Variants in VPS50 observed in about 807,000 individuals in gnomAD.
The protein encoded by VPS50 is VPS50 subunit of EARP/GARPII complex.
VPS50 carries 70 observed loss-of-function variants against 139.7 expected under a neutral mutation model. The observed-to-expected ratio is 0.50, with a 90% CI of 0.41 to 0.61. VPS50 has a LOEUF of 0.61. VPS50 is among the 20% of genes least tolerant of loss of function. The pLI is 0.00. For synonymous variants in VPS50, 365 were observed against 376.7 expected, an observed-to-expected ratio of 0.97 and a Z score of 0.36; for missense variants, 921 against 1,133.7, an observed-to-expected ratio of 0.81 and a Z score of 2.69.
chr7:93,317,807 C>A (rs1797472509), intron 20 of VPS50, among the ~76,000 whole-genome samples: 2 of 152,160 alleles, frequency 1.3e-5, no homozygotes, highest in South Asian at 2.1e-4. Flanking sequence ...ATAGTAGCTT[C>A]TTTTGTTTTT....
chr7:93,264,031 ATT>A (rs1795766734), intron 9 of VPS50, among the ~76,000 whole-genome samples: 1 of 152,242 alleles, frequency 6.6e-6, no homozygotes, highest in Non-Finnish European at 1.5e-5. Flanking sequence ...GTACTGTGCC[ATT>A]TTATATAAAG....
At chr7:93,305,780 G>T in intron 17 of VPS50, 48 bp from the exon 18 acceptor site, 3 of 1,432,844 alleles carry the variant, frequency 2.1e-6, no homozygotes, top group South Asian at 1.2e-5. Flanking sequence ...TTATGTACTA[G>T]AATTTTATTG....
At chr7:93,292,881 C>T (rs1796690577) in intron 13 of VPS50, among the ~76,000 whole-genome samples, 1 of 152,106 alleles carries the variant, frequency 6.6e-6, no homozygotes, top group Admixed American at 6.6e-5. Flanking sequence ...GTTGGGCACA[C>T]AGCCAGGATT....
chr7:93,291,733 C>A lies in VPS50; in HGVS notation c.973C>A (p.Leu325Ile). The A allele has an allele frequency of 6.4e-7, 1 of 1,574,614 alleles. No homozygotes were observed. The highest frequency in any genetic ancestry group is 8.6e-7 in the Non-Finnish European group (1 of 1,157,430). The change falls in exon 13 of 28, where the codon CTT becomes ATT. Residue 325 changes from leucine (L) to isoleucine (I), a missense_variant. Coordinates refer to ENST00000305866, the MANE Select transcript of VPS50 (RefSeq NM_017667.4). Reference protein sequence around the residue: ...HVTPDSYIPCLADLCKALWEV... With the variant: ...HVTPDSYIPCIADLCKALWEV... ...TACACCAGACAGCTATATTCCATGC[C>A]TTGCAGACCTGTGCAAAGCACTATG...
At chr7:93,281,134 C>A (rs1204975103) in intron 12 of VPS50, among the ~76,000 whole-genome samples, 1 of 152,146 alleles carries the variant, frequency 6.6e-6, no homozygotes, top group African/African-American at 2.4e-5. Flanking sequence ...CACTGAGCAC[C>A]TTCTCTGAGC....
chr7:93,350,060 TAA>T, intron 25 of VPS50, 27 bp downstream of exon 25: 1 of 1,555,258 alleles, frequency 6.4e-7, no homozygotes, highest in Non-Finnish European at 8.8e-7. Flanking sequence ...GCACCTGTGC[TAA>T]AGATCAATCT....
chr7:93,358,549 GT>G lies in VPS50; in HGVS notation c.*120del. On this transcript the variant is annotated 3_prime_UTR_variant, in exon 28 of 28. Coordinates refer to ENST00000305866, the MANE Select transcript of VPS50 (RefSeq NM_017667.4). Reference sequence around the variant, plus strand: ...TATCTGCTAAGAAAACTTTGTGCATGTTTTTTTGACTGGAAAGTGGAAAATA... The same window carrying G: ...TATCTGCTAAGAAAACTTTGTGCATGTTTTTTGACTGGAAAGTGGAAAATA... 7 of 866,506 alleles carry G rather than the reference GT, an allele frequency of 8.1e-6. No individual in the cohort carries two copies. The highest frequency in any genetic ancestry group is 1.7e-5 in the African/African-American group (1 of 59,396). 53.7% of individuals were successfully genotyped at this position (866,506 alleles called of 1,614,324 possible).
intron 11 of VPS50, 163 bp from the exon 12 acceptor site, chr7:93,276,002 A>G: frequency 1.6e-6 from 1 of 618,372 alleles, no homozygotes; most frequent in East Asian, 2.8e-5. Context: ...TTATTTGCAA[A>G]TAATATACCC....
intron 23 of VPS50, among the ~76,000 whole-genome samples, chr7:93,345,130 T>A (rs982900096): frequency 9.9e-5 from 15 of 152,096 alleles, no homozygotes; most frequent in African/African-American, 2.9e-4. Flanking sequence ...GATGCAATAA[T>A]AAATGATAAA....
rs776527446 is a variant in VPS50 at position 93,308,982 on chromosome 7, T to C, written c.1748+40T>C. The C allele has an allele frequency of 6.5e-6, 7 of 1,076,534 alleles. No homozygotes were observed. In the South Asian group the frequency reaches 9.2e-5, roughly 14 times the overall value. 66.7% of individuals were successfully genotyped at this position (1,076,534 alleles called of 1,614,324 possible). A position where few individuals can be genotyped will look rare whatever the true frequency, so the allele number is the denominator to read the frequency against. ...ATTGTGTGGTATTTAGCATTTTATC[T>C]TGTGCTCTTAACATATAGGATTTCC... On this transcript the variant is annotated intron_variant, in intron 19 of 27. Coordinates refer to ENST00000305866, the MANE Select transcript of VPS50 (RefSeq NM_017667.4).
chr7:93,289,748 A>G (rs1206668227), intron 12 of VPS50, among the ~76,000 whole-genome samples: 1 of 152,012 alleles, frequency 6.6e-6, no homozygotes, highest in East Asian at 1.9e-4. Context: ...TTTTCCCAAA[A>G]CTATTTGTAA....
At position 93,302,778 on chromosome 7, in the gene VPS50, C is replaced by G. The variant is rs539540900; in HGVS notation, c.1362-682C>G. 2.0e-5 allele frequency among the ~76,000 whole-genome samples: 3 copies of G among 151,930 alleles called. No individual in the cohort carries two copies. In the South Asian group the frequency reaches 6.2e-4, roughly 32 times the overall value. ...AGGAAGAACAGGGTAGGCACTGGCC[C>G]TTTTGTCAACTGAAAATAAGGGTTT... On this transcript the variant is annotated intron_variant, in intron 16 of 27. Transcript: ENST00000305866.
At chr7:93,342,145 C>T (rs570512613) in intron 23 of VPS50, among the ~76,000 whole-genome samples, 61 of 152,306 alleles carry the variant, frequency 4.0e-4, no homozygotes, top group Non-Finnish European at 6.5e-4. Flanking sequence ...CGAAGCAGGG[C>T]GAGGCATTGC....
chr7:93,241,518 C>G (rs1794990507), intron 2 of VPS50, among the ~76,000 whole-genome samples: 1 of 152,068 alleles, frequency 6.6e-6, no homozygotes, highest in Non-Finnish European at 1.5e-5. Context: ...TTACATTTAA[C>G]CTTACACTAA....
intron 16 of VPS50, among the ~76,000 whole-genome samples, chr7:93,298,820 T>G (rs1225828433): frequency 6.6e-6 from 1 of 152,226 alleles, no homozygotes; most frequent in Non-Finnish European, 1.5e-5. Context: ...CTCATTGATG[T>G]GGCTGTGCTA....
At chr7:93,288,052 C>T (rs1410759450) in intron 12 of VPS50, among the ~76,000 whole-genome samples, 1 of 152,072 alleles carries the variant, frequency 6.6e-6, no homozygotes, top group Admixed American at 6.6e-5. Context: ...TGAGGATTAA[C>T]GTCTCATCTT....
chr7:93,255,096 G>C (rs976477571), intron 4 of VPS50, among the ~76,000 whole-genome samples: 1 of 151,866 alleles, frequency 6.6e-6, no homozygotes, highest in Non-Finnish European at 1.5e-5. Context: ...TGGCAGGGGT[G>C]GGGTAGGGAT....
chr7:93,303,657 T>C, intron 17 of VPS50, 107 bp downstream of exon 17: 1 of 502,126 alleles, frequency 2.0e-6, no homozygotes, highest in Non-Finnish European at 3.5e-6. Context: ...TAAAATAAAT[T>C]AAGGAGCAGT....
chr7:93,290,162 A>G lies in VPS50; in HGVS notation c.943-1541A>G, dbSNP rs529274759. ...TTTGCTGAATTCTTTTATTGTTTGA[A>G]TTAGTTTTATTATTGGTTCTCTAGG... On this transcript the variant is annotated intron_variant, in intron 12 of 27. Transcript: ENST00000305866. Among the ~76,000 whole-genome samples the G allele has an allele frequency of 9.2e-5, 14 of 151,934 alleles. No individual in the cohort carries two copies. The East Asian group carries it at 2.7e-3, about 29-fold the overall frequency.
Sources: allele counts gnomAD v4.1 joint callset (sites outside exome capture counted in the v4.1 genomes callset), GRCh38; gene constraint gnomAD v4.1.1; transcripts MANE v1.5; gene names NCBI Gene and HGNC (gene_info 2026-07-23, HGNC 2026-07-21).